Variants in CUX1 observed in about 807,000 individuals in gnomAD.
CUX1 encodes cut like homeobox 1, also known as protein CASP.
Under a neutral mutation model 158.8 loss-of-function variants are expected in CUX1, and 31 were observed. The ratio of observed to expected loss-of-function variants is 0.20; its 90% CI spans 0.15 to 0.26. CUX1 has a LOEUF of 0.26. CUX1 is among the 10% of genes least tolerant of loss of function. The pLI is 1.00. For missense variants in CUX1, 1,589 were observed against 2,014.6 expected (o/e 0.79, Z 4.04); for synonymous variants, 879 against 862.1 (o/e 1.02, Z -0.34).
chr7:102,234,996 C>T (rs577383960), intron 22 of CUX1, among the ~76,000 whole-genome samples: 508 of 152,218 alleles, frequency 3.3e-3, no homozygotes, highest in Non-Finnish European at 5.8e-3. Context: ...CAAGGTCACC[C>T]GGCCTGGAAA....
At chr7:102,123,591 AGAGT>A (rs1374909830) in intron 8 of CUX1, among the ~76,000 whole-genome samples, 1 of 147,986 alleles carries the variant, frequency 6.8e-6, no homozygotes, top group Admixed American at 6.8e-5. Flanking sequence ...CCTGGGTGGC[AGAGT>A]GAGACTCCGT....
At chr7:102,113,833 T>C (rs113181082) in intron 7 of CUX1, among the ~76,000 whole-genome samples, 1 of 152,136 alleles carries the variant, frequency 6.6e-6, no homozygotes, top group East Asian at 1.9e-4. Flanking sequence ...CCCAAAATGC[T>C]GGGGGATTAC....
At chr7:102,007,979 A>G (rs1369523314) in intron 2 of CUX1, among the ~76,000 whole-genome samples, 1 of 152,076 alleles carries the variant, frequency 6.6e-6, no homozygotes, top group Non-Finnish European at 1.5e-5. Context: ...TCCTGACCTC[A>G]GGTGATCTAC....
At chr7:102,086,735 G>T (rs543343264) in intron 4 of CUX1, among the ~76,000 whole-genome samples, 2 of 151,854 alleles carry the variant, frequency 1.3e-5, no homozygotes, top group Admixed American at 1.3e-4. Flanking sequence ...TGTGGATGGC[G>T]TTTTGAAATC....
chr7:102,257,958 ATC>A lies in CUX1; in HGVS notation c.*8922_*8923del. On this transcript the variant is annotated 3_prime_UTR_variant, in exon 24 of 24. Transcript: ENST00000292535. ...TGCCTCTGGTGTGTTGCTGTGTGAC[ATC>A]TCTCTGGTAACATTTTATTTCTTGC... 1 of 975,510 alleles carries A rather than the reference ATC, an allele frequency of 1.0e-6. No homozygotes were observed. Among genetic ancestry groups the A allele is most frequent in the Non-Finnish European group, 1.2e-6 (1 of 828,630 alleles). 60.4% of individuals were successfully genotyped at this position (975,510 alleles called of 1,614,324 possible).
At chr7:102,207,975 C>G (rs2132105355) in intron 20 of CUX1, among the ~76,000 whole-genome samples, 1 of 152,160 alleles carries the variant, frequency 6.6e-6, no homozygotes, top group Non-Finnish European at 1.5e-5. Flanking sequence ...ATCACCTGAA[C>G]TTAGGAGTTC....
At chr7:102,199,179 A>G (rs1795122348) in intron 16 of CUX1, among the ~76,000 whole-genome samples, 1 of 152,226 alleles carries the variant, frequency 6.6e-6, no homozygotes, top group Non-Finnish European at 1.5e-5. Context: ...AGTTGAAAAA[A>G]TAACAGCGGT....
chr7:102,227,088 GT>G (rs776287409), intron 20 of CUX1, among the ~76,000 whole-genome samples: 1 of 152,044 alleles, frequency 6.6e-6, no homozygotes, highest in East Asian at 1.9e-4. Context: ...ATTAATAGGA[GT>G]TTTTTTAGCA....
At chr7:101,880,030 C>T (rs1799555373) in intron 1 of CUX1, among the ~76,000 whole-genome samples, 1 of 152,032 alleles carries the variant, frequency 6.6e-6, no homozygotes, top group African/African-American at 2.4e-5. Context: ...TGGATCGCAG[C>T]ATATACCTTG....
chr7:102,156,146 G>A (rs1789725978), intron 8 of CUX1, among the ~76,000 whole-genome samples: 1 of 152,142 alleles, frequency 6.6e-6, no homozygotes, highest in Non-Finnish European at 1.5e-5. Flanking sequence ...AAAAGCCTCA[G>A]GCCACAAAAA....
chr7:102,256,572 T>C lies in CUX1; in HGVS notation c.*7530T>C. 7 of 985,332 alleles carry C rather than the reference T, an allele frequency of 7.1e-6. No individual in the cohort carries two copies. Among genetic ancestry groups the C allele is most frequent in the Non-Finnish European group, 7.2e-6 (6 of 829,922 alleles). The allele number at this position is 985,332 out of a possible 1,614,324, so 61.0% of individuals were successfully genotyped here. A position where few individuals can be genotyped will look rare whatever the true frequency, so the allele number is the denominator to read the frequency against. ...TCCAGAGTAGCCACTCAAAAACTGG[T>C]GGTCTCTATGTGTCTAACTTTTTAA... On this transcript the variant is annotated 3_prime_UTR_variant, in exon 24 of 24. Coordinates refer to ENST00000292535, the MANE Select transcript of CUX1 (RefSeq NM_181552.4).
At chr7:101,913,472 G>A in intron 1 of CUX1, 2 of 1,148,888 alleles carry the variant, frequency 1.7e-6, no homozygotes, top group South Asian at 1.4e-5. Flanking sequence ...ACCTGTTTCA[G>A]TTTCCTCCTC....
At chr7:102,274,245 G>T (rs781943034) in exon 16 of CUX1, 1 of 1,613,434 alleles carries the variant, frequency 6.2e-7, no homozygotes, top group Non-Finnish European at 8.5e-7. Context: ...CACCTGCAGG[G>T]TGCCGCTGAG....
chr7:102,100,613 G>A (rs1829668617), intron 5 of CUX1, among the ~76,000 whole-genome samples: 1 of 152,142 alleles, frequency 6.6e-6, no homozygotes, highest in Non-Finnish European at 1.5e-5. Flanking sequence ...TATAATTTGG[G>A]AAGGTGGGCG....
At chr7:102,279,582 G>A (rs1791896821) in intron 18 of CUX1, among the ~76,000 whole-genome samples, 2 of 152,142 alleles carry the variant, frequency 1.3e-5, no homozygotes, top group South Asian at 4.1e-4. Flanking sequence ...CTCTTCCTTT[G>A]GGGCCCAGCA....
chr7:101,817,479 C>A, upstream of CUX1: 1 of 1,089,496 alleles, frequency 9.2e-7, no homozygotes, highest in Non-Finnish European at 1.1e-6. The surrounding 1 kb of genome is among the most constrained non-coding windows in gnomAD (Gnocchi z 4.1). Context: ...GGGGACCGTG[C>A]CGGGGCTCCC....
chr7:102,232,801 G>C (rs1386702284), intron 21 of CUX1, among the ~76,000 whole-genome samples: 5 of 152,134 alleles, frequency 3.3e-5, no homozygotes, highest in Non-Finnish European at 7.4e-5. Context: ...GCCTGCCCCT[G>C]CCTGGGAGAA....
At chr7:101,878,458 G>T (rs556804111) in intron 1 of CUX1, among the ~76,000 whole-genome samples, 2 of 152,306 alleles carry the variant, frequency 1.3e-5, no homozygotes, top group Non-Finnish European at 2.9e-5. Context: ...TGTGGCTGGG[G>T]CCAAGTTGGG....
intron 8 of CUX1, among the ~76,000 whole-genome samples, chr7:102,132,745 C>T (rs546311870): frequency 2.1e-5 from 3 of 141,562 alleles, no homozygotes; most frequent in Non-Finnish European, 3.0e-5. Flanking sequence ...AATCTCTGCT[C>T]ACTGCAACCT....
Sources: gnomAD v4.1 joint callset for allele counts (sites outside exome capture counted in the v4.1 genomes callset) on GRCh38, gnomAD v4.1.1 for gene constraint, Gnocchi (gnomAD v3.1) non-coding constraint, MANE v1.5 for transcripts, NCBI Gene and HGNC (gene_info 2026-07-23, HGNC 2026-07-21) for gene names.